The following RERE variants were observed in gnomAD, a reference collection of about 807,000 sequenced individuals.
RERE encodes arginine-glutamic acid dipeptide repeats protein.
RERE carries 40 observed loss-of-function variants against 146.1 expected under a neutral mutation model. That is an observed-to-expected ratio of 0.27 (90% CI 0.21 to 0.36). RERE has a LOEUF of 0.36. Among genes scored for constraint, RERE ranks in the 10% least tolerant of loss-of-function variants. RERE has a pLI of 1.00. For missense variants in RERE, 1,933 were observed against 2,138.7 expected (o/e 0.90, Z 1.90); for synonymous variants, 1,003 against 866.0 (o/e 1.16, Z -2.78).
At chr1:8,355,361 G>A in intron 22 of RERE, 58 bp downstream of exon 22, 1 of 1,570,744 alleles carries the variant, frequency 6.4e-7, no homozygotes, top group East Asian at 2.2e-5. Context: ...GGCACACGGG[G>A]AGGTTGGGAG....
At chr1:8,388,578 C>T (rs1642768249) in intron 12 of RERE, among the ~76,000 whole-genome samples, 1 of 151,772 alleles carries the variant, frequency 6.6e-6, no homozygotes, top group Admixed American at 6.6e-5. Context: ...CTTGGCCTCC[C>T]AAAGTGCTGG....
intron 1 of RERE, among the ~76,000 whole-genome samples, chr1:8,659,502 A>G (rs1322870335): frequency 4.6e-5 from 7 of 152,264 alleles, no homozygotes; most frequent in Admixed American, 4.6e-4. Context: ...GGTTGCAATG[A>G]GCCAAGATTG....
At chr1:8,458,177 T>G (rs1387880413) in intron 11 of RERE, among the ~76,000 whole-genome samples, 2 of 152,188 alleles carry the variant, frequency 1.3e-5, no homozygotes. Flanking sequence ...TCTTCGTTTA[T>G]AAAATAACCA....
At position 8,360,508 on chromosome 1, in the gene RERE, G is replaced by A. The variant is rs760579143; in HGVS notation, c.2999C>T (p.Ser1000Leu). 1.6e-5 allele frequency: 21 copies of A among 1,336,520 alleles called. No individual in the cohort carries two copies. In the Admixed American group the frequency reaches 2.0e-4, roughly 13 times the overall value. The allele number at this position is 1,336,520 out of a possible 1,614,324, so 82.8% of individuals were successfully genotyped here. ...GGTCAGCCCGGGGGGCTGGGCGGGC[G>A]AGGAGGGCAATGGCTGGCTCTGAGG... ...LMPQSQPLPS[S>L]PAQPPGLTQS... is the part of the protein sequence containing the mutation. Residue 1000 changes from serine to leucine, a missense_variant, in exon 18 of 23, where the codon TCG becomes TTG. This residue lies in a region of RERE where 1,255 missense variants were observed against 1,153.8 expected (regional missense o/e 1.09). Coordinates refer to ENST00000400908, the MANE Select transcript of RERE (RefSeq NM_001042681.2).
At chr1:8,602,845 A>G (rs1360606902) in intron 4 of RERE, among the ~76,000 whole-genome samples, 1 of 151,558 alleles carries the variant, frequency 6.6e-6, no homozygotes, top group African/African-American at 2.4e-5. Context: ...TAAAAAAAAA[A>G]TCAATCTGAC....
At chr1:8,648,281 C>G (rs6681316) in intron 2 of RERE, among the ~76,000 whole-genome samples, 128,895 of 152,234 alleles carry the variant, frequency 0.85, 54,878 homozygotes, top group East Asian at 0.94. Flanking sequence ...ACCCAGGCTG[C>G]AGTGCAGTGG....
intron 2 of RERE, among the ~76,000 whole-genome samples, chr1:8,651,879 G>T (rs1647650519): frequency 6.6e-6 from 1 of 151,938 alleles, no homozygotes; most frequent in Admixed American, 6.6e-5. Context: ...TAATATAATG[G>T]CATGTAGTTC....
rs1168699583 is a variant in RERE, at chr1:8,805,001, GT to G, written c.-145+12158del. 1.3e-3 allele frequency among the ~76,000 whole-genome samples: 138 copies of G among 102,726 alleles called. 1 individual carries two copies. Among genetic ancestry groups the G allele is most frequent in the Middle Eastern group, 4.9e-3 (1 of 204 alleles). 67.4% of individuals were successfully genotyped at this position (102,726 alleles called of 152,430 possible). A position where few individuals can be genotyped will look rare whatever the true frequency, so the allele number is the denominator to read the frequency against. On this transcript the variant is annotated intron_variant, in intron 1 of 22. Transcript: ENST00000400908. ...CAAATGATTTTTTTTGTTTTGTTTT[GT>G]TTTTGGTTTTTTTTTTTTTTTTTTT...
chr1:8,686,925 C>A (rs1000509971), intron 1 of RERE, among the ~76,000 whole-genome samples: 2 of 152,116 alleles, frequency 1.3e-5, no homozygotes, highest in Non-Finnish European at 2.9e-5. Context: ...GCAGAAGGAA[C>A]AGTCAGTGCA....
chr1:8,364,755 A>C lies in RERE; in HGVS notation c.1531T>G (p.Phe511Val). 6.2e-7 allele frequency: 1 copy of C among 1,613,274 alleles called. No individual in the cohort carries two copies. Among genetic ancestry groups the C allele is most frequent in the Non-Finnish European group, 8.5e-7 (1 of 1,179,266 alleles). ...TGACGAGGCCACTTACTGGTGGTGA[A>C]GCAGTGGCGGCAGGCGTACCCCTTC... is the stretch of plus-strand genomic sequence containing the variant. The part of the protein sequence containing the change: ...ELKGYACRHC[F>V]TTTSKDWHHG... Residue 511 changes from phenylalanine (F) to valine (V), a missense_variant, in exon 14 of 23, where the codon TTC becomes GTC. Phe to Val is a conservative substitution (Grantham distance 50). Coordinates refer to ENST00000400908, the MANE Select transcript of RERE (RefSeq NM_001042681.2). The surrounding 1 kb of genome is among the most constrained non-coding windows in gnomAD (Gnocchi z 5.1).
chr1:8,648,631 C>T (rs1432800480), intron 2 of RERE, among the ~76,000 whole-genome samples: 1 of 152,086 alleles, frequency 6.6e-6, no homozygotes, highest in Admixed American at 6.5e-5. Context: ...GAATTTTTTC[C>T]AGCTTAAATT....
chr1:8,362,838 T>C lies in RERE; in HGVS notation c.1747A>G (p.Thr583Ala). 6.2e-7 allele frequency: 1 copy of C among 1,611,098 alleles called. No homozygotes were observed. The highest frequency in any genetic ancestry group is 1.3e-5 in the African/African-American group (1 of 74,996). ...RTRRSRGSMSTLRSGRKKQPA... is the reference protein window; with the variant it reads ...RTRRSRGSMSALRSGRKKQPA... Reference sequence around the variant, plus strand: ...TGCTTCTTCCGACCACTGCGTAGTGTCGACATCTGCCCACCCAAACCGAAG... The same window carrying C: ...TGCTTCTTCCGACCACTGCGTAGTGCCGACATCTGCCCACCCAAACCGAAG... Residue 583 changes from threonine to alanine, a missense_variant, in exon 16 of 23, where the codon ACA becomes GCA. Physicochemically the swap from Thr to Ala is moderately conservative, Grantham distance 58. This residue lies in a region of RERE where 1,255 missense variants were observed against 1,153.8 expected (regional missense o/e 1.09). Transcript: ENST00000400908.
At chr1:8,600,808 G>A (rs1646613426) in intron 4 of RERE, among the ~76,000 whole-genome samples, 1 of 143,688 alleles carries the variant, frequency 7.0e-6, no homozygotes, top group Non-Finnish European at 1.5e-5. Flanking sequence ...AGGCTGGAGT[G>A]CAGTGGTGCA....
At chr1:8,796,868 T>C (rs138281655) in intron 1 of RERE, among the ~76,000 whole-genome samples, 1 of 152,216 alleles carries the variant, frequency 6.6e-6, no homozygotes, top group African/African-American at 2.4e-5. Flanking sequence ...AAACAATACA[T>C]TTAGTTCCAT....
In RERE at chr1:8,354,162, C is replaced by A. The variant is rs1570006589; in HGVS notation, c.*925G>T. 6.6e-6 allele frequency: 1 copy of A among 152,488 alleles called. No homozygotes were observed. The highest frequency in any genetic ancestry group is 1.5e-5 in the Non-Finnish European group (1 of 68,042). The allele number at this position is 152,488 out of a possible 1,614,324, so 9.4% of individuals were successfully genotyped here. On this transcript the variant is annotated 3_prime_UTR_variant, in exon 23 of 23. Coordinates refer to ENST00000400908, the MANE Select transcript of RERE (RefSeq NM_001042681.2). ...ATCCCGTGGAAACAGAACAGTGACA[C>A]TGGAGAACAGAAAGTGAACATTCAC...
intron 7 of RERE, among the ~76,000 whole-genome samples, chr1:8,520,753 T>TAAAAAAAAAAAA (rs368609572): frequency 1.3e-5 from 1 of 78,156 alleles, no homozygotes; most frequent in Non-Finnish European, 2.5e-5. Flanking sequence ...AAAAAACTTT[T>TAAAAAAAAAAAA]TAAAAAAAAA....
At chr1:8,462,039 A>G (rs1367845851) in intron 11 of RERE, among the ~76,000 whole-genome samples, 1 of 152,036 alleles carries the variant, frequency 6.6e-6, no homozygotes, top group African/African-American at 2.4e-5. Flanking sequence ...TTTTTTGTGG[A>G]GACAAGGTCT....
At chr1:8,487,653 C>T (rs1644919766) in intron 10 of RERE, among the ~76,000 whole-genome samples, 1 of 152,076 alleles carries the variant, frequency 6.6e-6, no homozygotes, top group African/African-American at 2.4e-5. Context: ...AGATAATGTC[C>T]ACTCTCATCA....
chr1:8,404,639 G>GT (rs1279493532), intron 12 of RERE, among the ~76,000 whole-genome samples: 1 of 152,196 alleles, frequency 6.6e-6, no homozygotes, highest in East Asian at 1.9e-4. Flanking sequence ...CTCTCCCACA[G>GT]TAATTGTTGA....
Sources: gnomAD v4.1 joint callset for allele counts (sites outside exome capture counted in the v4.1 genomes callset) on GRCh38, gnomAD v4.1.1 for gene constraint, gnomAD v4.1.1 regional missense constraint, Gnocchi (gnomAD v3.1) non-coding constraint, MANE v1.5 for transcripts, NCBI Gene and HGNC (gene_info 2026-07-23, HGNC 2026-07-21) for gene names.